Variants in AKAP12 observed in about 807,000 individuals in gnomAD.
AKAP12 encodes A-kinase anchoring protein 12, also known as A-kinase anchor protein 12.
AKAP12 carries 32 observed loss-of-function variants against 79.9 expected under a neutral mutation model. The observed-to-expected ratio is 0.40, with a 90% CI of 0.30 to 0.54. The LOEUF (loss-of-function observed/expected upper bound fraction) is 0.54, where lower values mean the gene tolerates loss of function less well. Among genes scored for constraint, AKAP12 ranks in the 20% least tolerant of loss-of-function variants. The pLI is 0.48. For missense variants in AKAP12, 2,074 were observed against 2,177.0 expected, an observed-to-expected ratio of 0.95 and a Z score of 0.94; for synonymous variants, 808 against 857.0, an observed-to-expected ratio of 0.94 and a Z score of 1.00.
chr6:151,325,535 G>C, intron 3 of AKAP12: 2 of 985,328 alleles, frequency 2.0e-6, no homozygotes, highest in Non-Finnish European at 2.4e-6. Flanking sequence ...CTGCTTGTGC[G>C]GCCCGGGCGG....
intron 3 of AKAP12, among the ~76,000 whole-genome samples, chr6:151,314,678 C>G (rs925443352): frequency 5.3e-5 from 8 of 152,192 alleles, no homozygotes; most frequent in African/African-American, 1.9e-4. Flanking sequence ...AGTCCACTTT[C>G]AAATTGGGTC....
intron 3 of AKAP12, among the ~76,000 whole-genome samples, chr6:151,314,984 G>A (rs1200348057): frequency 3.3e-5 from 5 of 149,628 alleles, no homozygotes; most frequent in South Asian, 2.1e-4. Context: ...CCCGGTAGGC[G>A]AGGGTTGCAA....
chr6:151,325,450 G>C (rs1239794170), intron 3 of AKAP12: 2 of 985,270 alleles, frequency 2.0e-6, no homozygotes, highest in African/African-American at 3.5e-5. Context: ...AAACCCTCCC[G>C]GGACTCTGCA....
intron 3 of AKAP12, among the ~76,000 whole-genome samples, chr6:151,307,262 G>A (rs957898803): frequency 6.6e-6 from 1 of 152,222 alleles, no homozygotes; most frequent in Non-Finnish European, 1.5e-5. Context: ...CTATGAAGTA[G>A]GTGATATTGT....
intron 2 of AKAP12, among the ~76,000 whole-genome samples, chr6:151,304,791 C>A (rs1582869249): frequency 6.6e-6 from 1 of 152,010 alleles, no homozygotes; most frequent in Admixed American, 6.5e-5. Context: ...GTTGGCCAGG[C>A]TGGTCTTGAA....
At chr6:151,345,445 T>C (rs1374135772) in intron 3 of AKAP12, among the ~76,000 whole-genome samples, 1 of 137,488 alleles carries the variant, frequency 7.3e-6, no homozygotes, top group African/African-American at 2.7e-5. Context: ...GTTAAGATCT[T>C]TTTGGTGTCC....
intron 3 of AKAP12, among the ~76,000 whole-genome samples, chr6:151,340,511 G>A (rs549455061): frequency 2.0e-5 from 3 of 152,286 alleles, no homozygotes; most frequent in Non-Finnish European, 2.9e-5. Context: ...GTCCATTTGC[G>A]TTCTCACAGA....
intron 3 of AKAP12, among the ~76,000 whole-genome samples, chr6:151,330,273 G>A (rs1448867379): frequency 1.3e-5 from 2 of 152,192 alleles, no homozygotes; most frequent in African/African-American, 4.8e-5. Flanking sequence ...GAGCAACAGA[G>A]CAAGACCCTG....
chr6:151,340,913 T>G (rs1382993164), intron 3 of AKAP12, among the ~76,000 whole-genome samples: 1 of 152,252 alleles, frequency 6.6e-6, no homozygotes, highest in Admixed American at 6.5e-5. Flanking sequence ...AGATGAATTC[T>G]TGTCCTTCTG....
intron 2 of AKAP12, among the ~76,000 whole-genome samples, chr6:151,248,956 C>T (rs570246592): frequency 2.6e-5 from 4 of 151,980 alleles, no homozygotes; most frequent in Non-Finnish European, 4.4e-5. Flanking sequence ...CATTGCACTC[C>T]AGCCTGGGCG....
intron 2 of AKAP12, among the ~76,000 whole-genome samples, chr6:151,305,066 G>A (rs1229426328): frequency 4.6e-5 from 7 of 152,162 alleles, no homozygotes; most frequent in East Asian, 1.9e-4. Flanking sequence ...TCTGCACCCC[G>A]TTTATCCTTT....
At chr6:151,296,228 A>G (rs1246147862) in intron 2 of AKAP12, among the ~76,000 whole-genome samples, 1 of 152,162 alleles carries the variant, frequency 6.6e-6, no homozygotes, top group African/African-American at 2.4e-5. Context: ...AGAGATCACT[A>G]CAATCATGCC....
intron 2 of AKAP12, among the ~76,000 whole-genome samples, chr6:151,271,113 C>T (rs6940829): frequency 2.0e-5 from 3 of 152,006 alleles, no homozygotes; most frequent in South Asian, 4.1e-4. Context: ...CCAAATATGC[C>T]GAAGCAGTTT....
intron 2 of AKAP12, among the ~76,000 whole-genome samples, chr6:151,281,212 C>G (rs1278302646): frequency 6.6e-6 from 1 of 152,148 alleles, no homozygotes; most frequent in African/African-American, 2.4e-5. Flanking sequence ...GCGAGCCTCC[C>G]TCTACAAACT....
intron 2 of AKAP12, among the ~76,000 whole-genome samples, chr6:151,243,121 A>C (rs137976569): frequency 2.0e-5 from 3 of 152,330 alleles, no homozygotes; most frequent in Non-Finnish European, 4.4e-5. Flanking sequence ...ACTTGTTAGC[A>C]TTGCAATTTC....
At chr6:151,263,567 A>G (rs1410403618) in intron 2 of AKAP12, among the ~76,000 whole-genome samples, 1 of 150,854 alleles carries the variant, frequency 6.6e-6, no homozygotes, top group Non-Finnish European at 1.5e-5. Flanking sequence ...CTCTTGAGAG[A>G]TTTTCTTTTC....
intron 3 of AKAP12, among the ~76,000 whole-genome samples, chr6:151,321,920 T>TTG (rs1562738090): frequency 1.4e-5 from 2 of 145,738 alleles, no homozygotes; most frequent in Admixed American, 6.9e-5. Context: ...TTTTTTTTTT[T>TTG]TTTTTTTTGA....
chr6:151,282,201 G>A (rs1776423633), intron 2 of AKAP12, among the ~76,000 whole-genome samples: 1 of 151,996 alleles, frequency 6.6e-6, no homozygotes, highest in Non-Finnish European at 1.5e-5. Flanking sequence ...GGCAGAGGTT[G>A]CAGTGAGCCG....
At chr6:151,318,848 C>G (rs1777295263) in intron 3 of AKAP12, among the ~76,000 whole-genome samples, 1 of 152,058 alleles carries the variant, frequency 6.6e-6, no homozygotes, top group South Asian at 2.1e-4. Flanking sequence ...GAGGCTCAGG[C>G]AGGAGAATCG....
Sources: allele counts gnomAD v4.1 joint callset (sites outside exome capture counted in the v4.1 genomes callset), GRCh38; gene constraint gnomAD v4.1.1; transcripts MANE v1.5; gene names NCBI Gene and HGNC (gene_info 2026-07-23, HGNC 2026-07-21).